The following RAPGEF3 variants were observed in gnomAD, a reference collection of about 807,000 sequenced individuals.
The protein encoded by RAPGEF3 is 9330170P05Rik.
Under a neutral mutation model 129.8 loss-of-function variants are expected in RAPGEF3, and 103 were observed. The observed-to-expected ratio is 0.79, with a 90% CI of 0.68 to 0.93. RAPGEF3 has a LOEUF of 0.93. Among genes scored for constraint, RAPGEF3 ranks in the 40% least tolerant of loss-of-function variants. RAPGEF3 has a pLI of 0.00. For synonymous variants in RAPGEF3, 436 were observed against 482.6 expected (o/e 0.90, Z 1.26); for missense variants, 1,117 against 1,207.4 (o/e 0.93, Z 1.11).
chr12:47,742,370 A>G (rs562293310), intron 18 of RAPGEF3: 6 of 152,362 alleles, frequency 3.9e-5, no homozygotes, highest in African/African-American at 1.4e-4. Context: ...CTCAATAAAC[A>G]TGACCTTTGG....
chr12:47,743,946 T>A, intron 17 of RAPGEF3, 41 bp downstream of exon 17: 1 of 1,528,990 alleles, frequency 6.5e-7, no homozygotes, highest in Middle Eastern at 2.0e-4. Context: ...GACAGCAGGG[T>A]GCAGATGTCG....
At chr12:47,737,722 C>T (rs565381686) in intron 27 of RAPGEF3, 37 bp from the exon 28 acceptor site, 2 of 1,581,772 alleles carry the variant, frequency 1.3e-6, no homozygotes, top group African/African-American at 1.3e-5. Context: ...CACTGATGCC[C>T]CTTTGTGGAA....
In RAPGEF3 at chr12:47,747,729, C is replaced by G. The variant is rs1941501262; in HGVS notation, c.1456G>C (p.Ala486Pro). 1 of 1,610,686 alleles carries G rather than the reference C, an allele frequency of 6.2e-7. No individual in the cohort carries two copies. Among genetic ancestry groups the G allele is most frequent in the Admixed American group, 1.7e-5 (1 of 60,006 alleles). Residue 486 changes from alanine (A) to proline (P), a missense_variant, in exon 14 of 28, where the codon GCC (alanine) becomes CCC (proline). Physicochemically the swap from Ala to Pro is conservative, Grantham distance 27. Coordinates refer to ENST00000449771, the MANE Select transcript of RAPGEF3 (RefSeq NM_001098531.4). ...YGSMLHTDPVATSFLQKLSDL... is the reference protein window; with the variant it reads ...YGSMLHTDPVPTSFLQKLSDL... ...CCAGGTACCTGGAGGAAGCTGGTGGCCACAGGGTCAGTGTGGAGCATGGAG... is the reference window on the plus strand; with the variant it reads ...CCAGGTACCTGGAGGAAGCTGGTGGGCACAGGGTCAGTGTGGAGCATGGAG...
rs759375739 is a variant in RAPGEF3 at position 47,740,983 on chromosome 12, C to G, written c.1981G>C (p.Val661Leu). 4 of 1,613,520 alleles carry G rather than the reference C, an allele frequency of 2.5e-6. No homozygotes were observed. Among genetic ancestry groups the G allele is most frequent in the Non-Finnish European group, 3.4e-6 (4 of 1,179,828 alleles). The change falls in exon 20 of 28, where the codon GTG becomes CTG. Residue 661 changes from valine (V) to leucine (L), a missense_variant. By Grantham distance (32) the Val-to-Leu change is conservative. Transcript: ENST00000449771. ...TVGSAEGLDL[V>L]SAKDLAGQLT... ...TGGCCTGCCAGGTCCTTGGCACTCA[C>G]CAGGTCCAGCCCCTCAGCAGAGCCC...
In RAPGEF3 at chr12:47,737,342, T is replaced by C; in HGVS notation, c.*225A>G. On this transcript the variant is annotated 3_prime_UTR_variant, in exon 28 of 28. Coordinates refer to ENST00000449771, the MANE Select transcript of RAPGEF3 (RefSeq NM_001098531.4). ...TGGGGCCTCTCTGTCCTCCCTTCCT[T>C]GGCCTTGGGTCATTCGTTATTCCTG... 1 of 556,248 alleles carries C rather than the reference T, an allele frequency of 1.8e-6. No individual in the cohort carries two copies. Among genetic ancestry groups the C allele is most frequent in the South Asian group, 2.1e-5 (1 of 47,980 alleles). 34.5% of individuals were successfully genotyped at this position (556,248 alleles called of 1,614,324 possible). A position where few individuals can be genotyped will look rare whatever the true frequency, so the allele number is the denominator to read the frequency against.
chr12:47,741,308 G>A, intron 19 of RAPGEF3, 197 bp downstream of exon 19: 4 of 669,292 alleles, frequency 6.0e-6, no homozygotes, highest in Non-Finnish European at 1.0e-5. Flanking sequence ...CCCAACCAGT[G>A]CTACCAGCCC....
rs1941492388 is a variant in RAPGEF3, at chr12:47,747,598, G to T, written c.1502C>A (p.Thr501Asn). The T allele has an allele frequency of 6.2e-7, 1 of 1,614,066 alleles. No individual in the cohort carries two copies. Among genetic ancestry groups the T allele is most frequent in the Non-Finnish European group, 8.5e-7 (1 of 1,179,936 alleles). ...CTCCCTCAGCAGGTTGCTGAGTCGG[G>T]TGTCCCTGCCCACCAGGTCTGAGAG... ...QKLSDLVGRD[T>N]RLSNLLREQW... The change falls in exon 15 of 28, where the codon ACC becomes AAC. Residue 501 changes from threonine to asparagine, a missense_variant. Thr to Asn is a moderately conservative substitution (Grantham distance 65, BLOSUM62 0). This residue lies in a region of RAPGEF3 where 643 missense variants were observed against 673.4 expected (regional missense o/e 0.95). Transcript: ENST00000449771.
chr12:47,740,188 G>A lies in RAPGEF3; in HGVS notation c.2326C>T (p.Leu776=). 6.2e-7 allele frequency: 1 copy of A among 1,613,820 alleles called. No individual in the cohort carries two copies. Among genetic ancestry groups the A allele is most frequent in the South Asian group, 1.1e-5 (1 of 91,056 alleles). Residue 776 remains leucine, a synonymous_variant, in exon 23 of 28, where the codon CTG becomes TTG. Transcript: ENST00000449771. ...TACAGCTTCCGGACTTTGTGAGGCA[G>A]CCGCTGTGAAAAGGAGGCAGATGAG... is the stretch of plus-strand genomic sequence containing the variant. ...ISRLAHTWER[L]PHKVRKLYSA...
chr12:47,755,423 C>T (rs1047107832), intron 2 of RAPGEF3, among the ~76,000 whole-genome samples: 3 of 152,112 alleles, frequency 2.0e-5, no homozygotes, highest in Non-Finnish European at 4.4e-5. Flanking sequence ...AGTGCGTTCT[C>T]GGAGTTACAA....
chr12:47,752,969 C>T (rs1941840574), intron 2 of RAPGEF3, among the ~76,000 whole-genome samples: 1 of 152,164 alleles, frequency 6.6e-6, no homozygotes, highest in African/African-American at 2.4e-5. Flanking sequence ...CATGAAAGCC[C>T]CTCACGACCC....
chr12:47,749,380 G>A lies in RAPGEF3; in HGVS notation c.1041+10C>T. On this transcript the variant is annotated intron_variant, in intron 10 of 27. Coordinates refer to ENST00000449771, the MANE Select transcript of RAPGEF3 (RefSeq NM_001098531.4). The surrounding 1 kb of genome is among the most constrained non-coding windows in gnomAD (Gnocchi z 4.5). ...ATGGCCCCTGCCCTCCCCAACCCCAGCAGCAGCACCTTGATGATACGGTTG... is the reference window on the plus strand; with the variant it reads ...ATGGCCCCTGCCCTCCCCAACCCCAACAGCAGCACCTTGATGATACGGTTG... 1 of 1,611,250 alleles carries A rather than the reference G, an allele frequency of 6.2e-7. No homozygotes were observed. Among genetic ancestry groups the A allele is most frequent in the South Asian group, 1.1e-5 (1 of 91,070 alleles).
chr12:47,748,426 A>G (rs774951523), intron 12 of RAPGEF3, 28 bp downstream of exon 12: 5 of 1,594,342 alleles, frequency 3.1e-6, no homozygotes, highest in Non-Finnish European at 3.4e-6. Context: ...ATGAGTCAGA[A>G]AGCAGGCAGG....
rs1592526784 is a variant in RAPGEF3, at chr12:47,735,717, C to T, written c.*1850G>A. On this transcript the variant is annotated 3_prime_UTR_variant, in exon 28 of 28. Transcript: ENST00000449771. ...GTGGAGGACACCGGCCCCCGTGGCA[C>T]TTGGTTTCTGTTGTGTCGCTGGGCT... 1 of 152,538 alleles carries T rather than the reference C, an allele frequency of 6.6e-6. No individual in the cohort carries two copies. 9.4% of individuals were successfully genotyped at this position (152,538 alleles called of 1,614,324 possible).
At chr12:47,739,077 AG>A in intron 24 of RAPGEF3, 65 bp downstream of exon 24, 8 of 1,305,784 alleles carry the variant, frequency 6.1e-6, no homozygotes, top group Non-Finnish European at 8.6e-6. Flanking sequence ...GGAGGCAGGA[AG>A]GGGGAAATGG....
chr12:47,746,474 T>C, intron 16 of RAPGEF3: 3 of 569,024 alleles, frequency 5.3e-6, no homozygotes, highest in Non-Finnish European at 9.2e-6. Context: ...CCTCTGACTT[T>C]CCAGGGAGGG....
In RAPGEF3 at chr12:47,747,404, G is replaced by A. The variant is rs1401505981; in HGVS notation, c.1556+140C>T. 7 of 769,310 alleles carry A rather than the reference G, an allele frequency of 9.1e-6. No homozygotes were observed. In the African/African-American group the frequency reaches 1.0e-4, roughly 11 times the overall value. The allele number at this position is 769,310 out of a possible 1,614,324, so 47.7% of individuals were successfully genotyped here. ...ATGTGGTGTGAGGGTGAACAGCAAG[G>A]GGACTGATAAGAACAAGGAATTGAA... On this transcript the variant is annotated intron_variant, in intron 15 of 27. Coordinates refer to ENST00000449771, the MANE Select transcript of RAPGEF3 (RefSeq NM_001098531.4).
In RAPGEF3 at chr12:47,749,424, C is replaced by T. The variant is rs367665004; in HGVS notation, c.1007G>A (p.Arg336His). The T allele has an allele frequency of 2.6e-5, 42 of 1,613,172 alleles. No homozygotes were observed. Among genetic ancestry groups the T allele is most frequent in the Admixed American group, 1.3e-4 (8 of 60,010 alleles). ...ILREDNCHFLRVDKQDFNRII... is the reference protein window; with the variant it reads ...ILREDNCHFLHVDKQDFNRII... ...ACGGTTGAAGTCCTGCTTGTCCACA[C>T]GCAGGAAATGACAGTTGTCTTCTCG... is the stretch of plus-strand genomic sequence containing the variant. The change falls in exon 10 of 28, where the codon CGT (arginine) becomes CAT (histidine). Residue 336 changes from arginine (R) to histidine (H), a missense_variant. Around this residue, in one of 3 missense-constraint regions of RAPGEF3, gnomAD observed 107 missense variants for 160.7 expected, o/e 0.67. Coordinates refer to ENST00000449771, the MANE Select transcript of RAPGEF3 (RefSeq NM_001098531.4). This position sits in a 1 kb window ranked among gnomAD's most constrained non-coding sequence, Gnocchi z 4.5.
At position 47,739,227 on chromosome 12, in the gene RAPGEF3, G is replaced by A; in HGVS notation, c.2377C>T (p.Pro793Ser). Residue 793 changes from proline to serine, a missense_variant, in exon 24 of 28, where the codon CCC (proline) becomes TCC (serine). Pro to Ser is a moderately conservative substitution (Grantham distance 74). Coordinates refer to ENST00000449771, the MANE Select transcript of RAPGEF3 (RefSeq NM_001098531.4). ...CGGTATACCCGGTGGTTCCATGAGG[G>A]ATCCTAGGGGAAGAAGCCACACTGA... is the stretch of plus-strand genomic sequence containing the variant. ...LYSALERLLD[P>S]SWNHRVYRLA... is the part of the protein sequence containing the mutation. 6.2e-7 allele frequency: 1 copy of A among 1,608,582 alleles called. No homozygotes were observed. The highest frequency in any genetic ancestry group is 8.5e-7 in the Non-Finnish European group (1 of 1,175,388).
rs1940776699 is a variant in RAPGEF3, at chr12:47,735,689, C to G, written c.*1878G>C. ...CGTAGATGTGACCAGAGGAGAAATG[C>G]TGGTGGAGGACACCGGCCCCCGTGG... On this transcript the variant is annotated 3_prime_UTR_variant, in exon 28 of 28. Transcript: ENST00000449771. The G allele has an allele frequency of 6.6e-6, 1 of 152,604 alleles. No individual in the cohort carries two copies. Among genetic ancestry groups the G allele is most frequent in the Admixed American group, 6.5e-5 (1 of 15,290 alleles). 9.5% of individuals were successfully genotyped at this position (152,604 alleles called of 1,614,324 possible). A position where few individuals can be genotyped will look rare whatever the true frequency, so the allele number is the denominator to read the frequency against.
Sources: allele counts gnomAD v4.1 joint callset (sites outside exome capture counted in the v4.1 genomes callset), GRCh38; gene constraint gnomAD v4.1.1; regional missense constraint gnomAD v4.1.1; non-coding constraint Gnocchi (gnomAD v3.1); transcripts MANE v1.5; gene names NCBI Gene and HGNC (gene_info 2026-07-23, HGNC 2026-07-21).